ASPH: variants seen among roughly 807,000 people sequenced by gnomAD.
ASPH encodes the protein aspartyl/asparaginyl beta-hydroxylase.
ASPH carries 100 observed loss-of-function variants against 118.4 expected under a neutral mutation model. That is an observed-to-expected ratio of 0.84 (90% CI 0.72 to 1.00). The LOEUF (loss-of-function observed/expected upper bound fraction) is 1.00. ASPH is among the 50% of genes least tolerant of loss of function. ASPH has a pLI of 0.00. For synonymous variants in ASPH, 315 were observed against 325.6 expected, an observed-to-expected ratio of 0.97 and a Z score of 0.35; for missense variants, 920 against 919.5, an observed-to-expected ratio of 1.00 and a Z score of -0.01.
chr8:61,662,643 AAGTT>A (rs1454327722), intron 3 of ASPH, among the ~76,000 whole-genome samples: 3 of 152,212 alleles, frequency 2.0e-5, no homozygotes, highest in Non-Finnish European at 4.4e-5. Flanking sequence ...ACTTCAATAA[AAGTT>A]AGTTGAAACA....
At chr8:61,530,487 T>C (rs1817161578) in intron 21 of ASPH, among the ~76,000 whole-genome samples, 1 of 152,154 alleles carries the variant, frequency 6.6e-6, no homozygotes, top group Non-Finnish European at 1.5e-5. Flanking sequence ...CTCTCCTGAA[T>C]CCCAGACCTG....
At chr8:61,641,331 T>G (rs998299935) in intron 10 of ASPH, among the ~76,000 whole-genome samples, 5 of 152,180 alleles carry the variant, frequency 3.3e-5, no homozygotes, top group Admixed American at 6.5e-5. Flanking sequence ...TTTATATTTT[T>G]AAAAACATTA....
intron 13 of ASPH, among the ~76,000 whole-genome samples, chr8:61,630,988 A>G (rs1257174531): frequency 1.3e-5 from 2 of 152,088 alleles, no homozygotes; most frequent in African/African-American, 2.4e-5. Flanking sequence ...GCCTAAGCTA[A>G]TATGTCTGTC....
chr8:61,505,339 A>G (rs1045637616), intron 24 of ASPH, among the ~76,000 whole-genome samples: 1 of 152,098 alleles, frequency 6.6e-6, no homozygotes, highest in Non-Finnish European at 1.5e-5. Flanking sequence ...CACTAAAAAT[A>G]CAAAAATTAG....
intron 3 of ASPH, chr8:61,658,298 G>A (rs1243337046): frequency 6.6e-6 from 1 of 152,190 alleles, no homozygotes; most frequent in Non-Finnish European, 1.5e-5. Flanking sequence ...GCATCTTCAA[G>A]TAACCCAAGC....
At chr8:61,602,339 A>C (rs1844243651) in intron 14 of ASPH, among the ~76,000 whole-genome samples, 1 of 151,472 alleles carries the variant, frequency 6.6e-6, no homozygotes, top group Non-Finnish European at 1.5e-5. Flanking sequence ...ATTATACACA[A>C]AAATGAAAAA....
At position 61,534,046 on chromosome 8, in the gene ASPH, C is replaced by T. The variant is rs1009360484; in HGVS notation, c.1765-7934G>A. Among the ~76,000 whole-genome samples the T allele has an allele frequency of 2.0e-5, 3 of 152,272 alleles. No homozygotes were observed. In the South Asian group the frequency reaches 6.2e-4, roughly 32 times the overall value. On this transcript the variant is annotated intron_variant, in intron 21 of 24. Transcript: ENST00000379454. ...CACCACAACCTCTGCCTCCCGGGAT[C>T]AAGTAATTCTCCTGCCTCAGCCTCC...
At chr8:61,553,995 G>C (rs376717975) in intron 19 of ASPH, among the ~76,000 whole-genome samples, 1 of 152,228 alleles carries the variant, frequency 6.6e-6, no homozygotes, top group East Asian at 1.9e-4. Flanking sequence ...GGAGAGGAAG[G>C]GAGCTGTGGC....
Position 61,503,365 on chromosome 8 carries a change from T to C in ASPH, c.2271A>G (p.Ala757=), listed in dbSNP as rs1185217304. The change falls in exon 25 of 25, where the codon GCA becomes GCG. Residue 757 remains alanine (A), a synonymous_variant. Transcript: ENST00000379454. ...LTPQQRRSLP[A]I is the part of the protein sequence containing the mutation. ...AAGCTTGCATGAATTCATGCTAAAT[T>C]GCTGGAAGGCTGCGTCTCTGCTGTG... 6.2e-7 allele frequency: 1 copy of C among 1,603,650 alleles called. No individual in the cohort carries two copies.
At chr8:61,625,325 A>G in intron 13 of ASPH, 6 of 985,786 alleles carry the variant, frequency 6.1e-6, no homozygotes, top group Non-Finnish European at 7.2e-6. Flanking sequence ...ATCCTCAATC[A>G]ACCCAGCTCA....
At chr8:61,637,885 A>G in intron 12 of ASPH, 62 bp downstream of exon 12, 1 of 1,479,848 alleles carries the variant, frequency 6.8e-7, no homozygotes, top group East Asian at 2.3e-5. Flanking sequence ...TCGATAAATA[A>G]CTGAATAAAC....
chr8:61,548,108 C>T lies in ASPH; in HGVS notation c.1727G>A (p.Trp576Ter). 1 of 1,613,856 alleles carries T rather than the reference C, an allele frequency of 6.2e-7. No homozygotes were observed. Among genetic ancestry groups the T allele is most frequent in the Non-Finnish European group, 8.5e-7 (1 of 1,179,856 alleles). The change falls in exon 21 of 25, where the codon TGG becomes TAG. Residue 576 changes from tryptophan to a stop codon, truncating the protein, a stop_gained. Transcript: ENST00000379454. LOFTEE classifies it high-confidence loss of function. ...NVNGLKAQPW[W>*]TPKETGYTEL... ...TGTGTAGCCCGTTTCTTTTGGGGTCCACCAAGGCTGTGCTTTCAGTCCATT... is the reference window on the plus strand; with the variant it reads ...TGTGTAGCCCGTTTCTTTTGGGGTCTACCAAGGCTGTGCTTTCAGTCCATT...
Position 61,714,444 on chromosome 8 carries a change from A to C in ASPH, c.-73T>G. The stretch of plus-strand genomic sequence containing the variant: ...CGCGGGGGTACACACGCGACGCGGG[A>C]ACCGCTGGCGGCGGCGGGCCGCTGG... On this transcript the variant is annotated 5_prime_UTR_variant, in exon 1 of 25. Coordinates refer to ENST00000379454, the MANE Select transcript of ASPH (RefSeq NM_004318.4). 7.3e-7 allele frequency: 1 copy of C among 1,367,110 alleles called. No homozygotes were observed. 84.7% of individuals were successfully genotyped at this position (1,367,110 alleles called of 1,614,324 possible).
chr8:61,536,262 A>G (rs1224039454), intron 21 of ASPH, among the ~76,000 whole-genome samples: 1 of 152,090 alleles, frequency 6.6e-6, no homozygotes, highest in Non-Finnish European at 1.5e-5. Flanking sequence ...GATGGTCTCG[A>G]TCTCCTGACC....
chr8:61,613,766 A>C (rs545992684), intron 14 of ASPH, among the ~76,000 whole-genome samples: 1 of 152,314 alleles, frequency 6.6e-6, no homozygotes, highest in Admixed American at 6.5e-5. Context: ...CAGGGGCTAT[A>C]TCCTGAGATG....
intron 7 of ASPH, 132 bp downstream of exon 7, chr8:61,644,467 AT>A (rs1361649352): frequency 1.6e-6 from 1 of 634,880 alleles, no homozygotes; most frequent in Non-Finnish European, 2.3e-6. Context: ...ATAAGACGTA[AT>A]AAAATTATTA....
intron 3 of ASPH, chr8:61,656,305 A>C (rs1800282832): frequency 6.6e-6 from 1 of 152,190 alleles, no homozygotes; most frequent in African/African-American, 2.4e-5. Flanking sequence ...CATCTAACTA[A>C]ACAAGAAGTG....
chr8:61,509,176 C>T (rs191602131), intron 24 of ASPH, among the ~76,000 whole-genome samples: 55 of 152,194 alleles, frequency 3.6e-4, no homozygotes, highest in African/African-American at 1.3e-3. Context: ...TGGAAAGGAG[C>T]CCTGATCCAG....
intron 12 of ASPH, among the ~76,000 whole-genome samples, chr8:61,634,278 C>G (rs1326331261): frequency 1.3e-5 from 2 of 152,180 alleles, no homozygotes; most frequent in Non-Finnish European, 2.9e-5. Context: ...ACATAGTGAT[C>G]TGATTTGCTC....
Sources: allele counts gnomAD v4.1 joint callset (sites outside exome capture counted in the v4.1 genomes callset), GRCh38; gene constraint gnomAD v4.1.1; transcripts MANE v1.5; gene names NCBI Gene and HGNC (gene_info 2026-07-23, HGNC 2026-07-21).